Variants in LRFN5 observed in about 807,000 individuals in gnomAD.
The protein encoded by LRFN5 is leucine rich repeat and fibronectin type III domain containing 5.
A neutral mutation model predicts 45.6 loss-of-function variants in LRFN5; 24 were observed. That is an observed-to-expected ratio of 0.53 (90% CI 0.38 to 0.74). The LOEUF is 0.74. LRFN5 is among the 30% of genes least tolerant of loss of function. The pLI is 0.00. For missense variants in LRFN5, 776 were observed against 861.5 expected (o/e 0.90, Z 1.24); for synonymous variants, 340 against 313.8 (o/e 1.08, Z -0.88).
At chr14:41,717,516 A>G (rs545060857) in intron 1 of LRFN5, among the ~76,000 whole-genome samples, 1 of 152,298 alleles carries the variant, frequency 6.6e-6, no homozygotes, top group Admixed American at 6.5e-5. Flanking sequence ...AGGGTTACGA[A>G]ACTTGGATCC....
chr14:41,725,847 T>A (rs1035556464), intron 1 of LRFN5, among the ~76,000 whole-genome samples: 3 of 152,224 alleles, frequency 2.0e-5, no homozygotes, highest in Non-Finnish European at 4.4e-5. Context: ...AACCAGTATT[T>A]ACTTTTAACT....
At chr14:41,740,068 A>G (rs965736144) in intron 1 of LRFN5, among the ~76,000 whole-genome samples, 2 of 152,130 alleles carry the variant, frequency 1.3e-5, no homozygotes, top group African/African-American at 2.4e-5. Context: ...TTTCAAAAAT[A>G]AAAATAAAGC....
At chr14:41,894,185 T>C in intron 4 of LRFN5, 1 of 985,234 alleles carries the variant, frequency 1.0e-6, no homozygotes, top group Non-Finnish European at 1.2e-6. Flanking sequence ...TGATCAAAGA[T>C]AAGGATGCTC....
intron 2 of LRFN5, among the ~76,000 whole-genome samples, chr14:41,863,128 G>A (rs541838907): frequency 6.6e-6 from 1 of 152,238 alleles, no homozygotes; most frequent in African/African-American, 2.4e-5. Flanking sequence ...CCTCCCCAAA[G>A]TACTGGGATT....
intron 2 of LRFN5, among the ~76,000 whole-genome samples, chr14:41,776,258 A>G (rs1034735922): frequency 1.3e-5 from 2 of 152,192 alleles, no homozygotes; most frequent in African/African-American, 4.8e-5. Flanking sequence ...TTAGTTCCAT[A>G]AGTGTATTCA....
At chr14:41,657,369 T>C (rs1238212134) in intron 1 of LRFN5, among the ~76,000 whole-genome samples, 3 of 151,950 alleles carry the variant, frequency 2.0e-5, no homozygotes, top group Non-Finnish European at 4.4e-5. Context: ...ATATTTATAC[T>C]GTCCATTTCG....
intron 1 of LRFN5, among the ~76,000 whole-genome samples, chr14:41,657,288 A>C (rs915375840): frequency 6.6e-6 from 1 of 151,988 alleles, no homozygotes; most frequent in Admixed American, 6.6e-5. Context: ...TTTTTATTTA[A>C]TTTTACCCAC....
At chr14:41,893,668 ATCT>A (rs1205354972) in intron 4 of LRFN5, 1 of 985,226 alleles carries the variant, frequency 1.0e-6, no homozygotes, top group Non-Finnish European at 1.2e-6. Context: ...ACAAAGCCAC[ATCT>A]TCTGATACAC....
chr14:41,636,101 C>T (rs1879292861), intron 1 of LRFN5, among the ~76,000 whole-genome samples: 1 of 152,124 alleles, frequency 6.6e-6, no homozygotes, highest in South Asian at 2.1e-4. Flanking sequence ...TTGGGAGCCA[C>T]TGAGGTTCTC....
At chr14:41,675,113 T>A (rs1182513014) in intron 1 of LRFN5, among the ~76,000 whole-genome samples, 1 of 147,476 alleles carries the variant, frequency 6.8e-6, no homozygotes, top group Non-Finnish European at 1.5e-5. Context: ...CTCCTCACTT[T>A]CCAGACTGGG....
chr14:41,750,643 A>G (rs760455407), intron 1 of LRFN5, among the ~76,000 whole-genome samples: 26 of 152,102 alleles, frequency 1.7e-4, no homozygotes, highest in Non-Finnish European at 2.8e-4. Flanking sequence ...TCCATTTTCA[A>G]ACTGCTGTAA....
At position 41,697,371 on chromosome 14, in the gene LRFN5, A is replaced by G. The variant is rs567323118; in HGVS notation, c.-196-69483A>G. Among the ~76,000 whole-genome samples the G allele has an allele frequency of 1.4e-3, 215 of 152,018 alleles. 1 individual carries two copies. The highest frequency in any genetic ancestry group is 4.0e-3 in the African/African-American group (165 of 41,568). ...GCTTTACAAATCAATAATCTTTTAA[A>G]AATTATTCAAATCAGAAGTGGAAGT... On this transcript the variant is annotated intron_variant, in intron 1 of 5. Transcript: ENST00000298119.
chr14:41,852,063 T>G lies in LRFN5; in HGVS notation c.-20-34543T>G, dbSNP rs939573584. Among the ~76,000 whole-genome samples, 3 of 152,000 alleles carry G rather than the reference T, an allele frequency of 2.0e-5. No individual in the cohort carries two copies. The East Asian group carries it at 5.8e-4, about 29-fold the overall frequency. ...GTTCACATGGCATTTTCTTTCCTAA[T>G]GAAAATTGTGGATATAACTATACTC... On this transcript the variant is annotated intron_variant, in intron 2 of 5. Transcript: ENST00000298119.
At chr14:41,792,256 A>C (rs1267589788) in intron 2 of LRFN5, among the ~76,000 whole-genome samples, 1 of 152,086 alleles carries the variant, frequency 6.6e-6, no homozygotes, top group African/African-American at 2.4e-5. Flanking sequence ...CAAAGATCAC[A>C]TGCTTCTGAG....
At chr14:41,797,298 C>G (rs1174017980) in intron 2 of LRFN5, among the ~76,000 whole-genome samples, 1 of 151,574 alleles carries the variant, frequency 6.6e-6, no homozygotes, top group East Asian at 1.9e-4. Context: ...ATATGATACC[C>G]TAGCTGGTTT....
chr14:41,806,251 A>G (rs1339952897), intron 2 of LRFN5, among the ~76,000 whole-genome samples: 3 of 152,152 alleles, frequency 2.0e-5, no homozygotes, highest in African/African-American at 7.2e-5. Context: ...ACATATCTAG[A>G]TCATTCTAGG....
At chr14:41,894,611 T>C in intron 4 of LRFN5, 8 of 980,414 alleles carry the variant, frequency 8.2e-6, no homozygotes, top group Non-Finnish European at 9.7e-6. Context: ...ATGAAGAAAT[T>C]TTTGCTTCAA....
At chr14:41,724,937 C>T (rs1883870142) in intron 1 of LRFN5, among the ~76,000 whole-genome samples, 1 of 152,072 alleles carries the variant, frequency 6.6e-6, no homozygotes, top group Non-Finnish European at 1.5e-5. Flanking sequence ...GGACTATATT[C>T]CCTTATTTTT....
chr14:41,686,373 C>T (rs887942093), intron 1 of LRFN5, among the ~76,000 whole-genome samples: 7 of 151,956 alleles, frequency 4.6e-5, no homozygotes, highest in Admixed American at 3.3e-4. Context: ...GGGGCTGATA[C>T]GATGGGGTTT....
Sources: gnomAD v4.1 joint callset for allele counts (sites outside exome capture counted in the v4.1 genomes callset) on GRCh38, gnomAD v4.1.1 for gene constraint, MANE v1.5 for transcripts, NCBI Gene and HGNC (gene_info 2026-07-23, HGNC 2026-07-21) for gene names.